The following NELFCD variants were observed in gnomAD, a reference collection of about 807,000 sequenced individuals.
NELFCD encodes negative elongation factor complex member C/D.
A neutral mutation model predicts 72.9 loss-of-function variants in NELFCD; 48 were observed. The observed-to-expected ratio is 0.66, with a 90% CI of 0.52 to 0.84. The LOEUF (loss-of-function observed/expected upper bound fraction) is 0.84, where lower values mean the gene tolerates loss of function less well. NELFCD is among the 40% of genes least tolerant of loss of function. The pLI, the probability that NELFCD is intolerant of heterozygous loss-of-function variation, is 0.00. For synonymous variants in NELFCD, 297 were observed against 280.6 expected, an observed-to-expected ratio of 1.06 and a Z score of -0.59; for missense variants, 538 against 723.8, an observed-to-expected ratio of 0.74 and a Z score of 2.94.
At chr20:58,987,121 A>G (rs1222229724) in intron 3 of NELFCD, 4 of 451,704 alleles carry the variant, frequency 8.9e-6, no homozygotes, top group African/African-American at 6.1e-5. Flanking sequence ...TTTCCCTACC[A>G]TGTTGTAGAA....
Position 58,987,834 on chromosome 20 carries a change from C to G in NELFCD, c.396+17C>G, listed in dbSNP as rs370568912. 3 of 1,599,344 alleles carry G rather than the reference C, an allele frequency of 1.9e-6. No individual in the cohort carries two copies. Among genetic ancestry groups the G allele is most frequent in the Non-Finnish European group, 2.6e-6 (3 of 1,166,678 alleles). On this transcript the variant is annotated intron_variant, in intron 4 of 14. Transcript: ENST00000652272. ...GAAGGAGAGGTGAGAAATTATTTTT[C>G]TTTGCCTAGTACCAGGCCCTAGGGT...
chr20:58,988,088 C>T (rs2091785904), intron 4 of NELFCD: 1 of 435,760 alleles, frequency 2.3e-6, no homozygotes, highest in African/African-American at 2.0e-5. Context: ...GACTCCAGGG[C>T]ACAGCCCTTG....
rs573252991 is a variant in NELFCD, at chr20:58,984,892, C to T, written c.61-1201C>T. 5.3e-5 allele frequency among the ~76,000 whole-genome samples: 8 copies of T among 152,310 alleles called. No individual in the cohort carries two copies. The South Asian group carries it at 1.0e-3, about 20-fold the overall frequency. On this transcript the variant is annotated intron_variant, in intron 1 of 14. Transcript: ENST00000652272. ...TGGGAATGAAGCTCGGGGTGAAGTC[C>T]GGCCTCTGTCATGCCCTTAGGGGCT...
At chr20:58,981,642 G>A (rs1157251063) in intron 1 of NELFCD, among the ~76,000 whole-genome samples, 1 of 151,268 alleles carries the variant, frequency 6.6e-6, no homozygotes, top group Non-Finnish European at 1.5e-5. Context: ...GCGCGGGGCG[G>A]CCCGAGGCCC....
At chr20:58,990,101 G>A in intron 7 of NELFCD, 113 bp downstream of exon 7, 1 of 1,433,598 alleles carries the variant, frequency 7.0e-7, no homozygotes. Context: ...CAACGTAGAG[G>A]TAAACTTGCT....
At chr20:58,985,805 C>T (rs1318723828) in intron 1 of NELFCD, among the ~76,000 whole-genome samples, 1 of 152,146 alleles carries the variant, frequency 6.6e-6, no homozygotes, top group African/African-American at 2.4e-5. Flanking sequence ...TTATTATCTT[C>T]ACTTAACAGA....
At position 58,986,531 on chromosome 20, in the gene NELFCD, A is replaced by T; in HGVS notation, c.177-223A>T. The T allele has an allele frequency of 1.8e-6, 1 of 567,032 alleles. No individual in the cohort carries two copies. The highest frequency in any genetic ancestry group is 3.5e-5 in the Admixed American group (1 of 28,814). 35.1% of individuals were successfully genotyped at this position (567,032 alleles called of 1,614,324 possible). On this transcript the variant is annotated intron_variant, in intron 2 of 14. Coordinates refer to ENST00000652272, the MANE Select transcript of NELFCD (RefSeq NM_198976.4). The surrounding 1 kb of genome is among the most constrained non-coding windows in gnomAD (Gnocchi z 4.4). ...TTTTTGTTTTTGTTTTTTGGGAGAG[A>T]CAGGGCTCCTTACGTTGCCCTGGCT... is the stretch of plus-strand genomic sequence containing the variant.
chr20:58,993,832 T>A lies in NELFCD; in HGVS notation c.1581+68T>A. 6.6e-7 allele frequency: 1 copy of A among 1,525,906 alleles called. No individual in the cohort carries two copies. The highest frequency in any genetic ancestry group is 9.0e-7 in the Non-Finnish European group (1 of 1,114,062). The allele number at this position is 1,525,906 out of a possible 1,614,324, so 94.5% of individuals were successfully genotyped here. ...CTAGCACTGCCCTTTTTGGCTTAAT[T>A]TAGTTCATTTTGTACCTAACTGAGA... On this transcript the variant is annotated intron_variant, in intron 13 of 14. Coordinates refer to ENST00000652272, the MANE Select transcript of NELFCD (RefSeq NM_198976.4). This position sits in a 1 kb window ranked among gnomAD's most constrained non-coding sequence, Gnocchi z 5.0.
Position 58,993,559 on chromosome 20 carries a change from T to G in NELFCD, c.1440+15T>G. ...TGATGGAGCAGGTGAGCAGTGCCCG[T>G]GGGGCTTGCCAGAGGGCTGAGGAGG... On this transcript the variant is annotated intron_variant, in intron 12 of 14. Transcript: ENST00000652272. This position sits in a 1 kb window ranked among gnomAD's most constrained non-coding sequence, Gnocchi z 5.0. The G allele has an allele frequency of 6.2e-7, 1 of 1,614,202 alleles. No individual in the cohort carries two copies. The highest frequency in any genetic ancestry group is 8.5e-7 in the Non-Finnish European group (1 of 1,180,028).
chr20:58,991,689 C>T (rs751222423), intron 9 of NELFCD, 192 bp from the exon 10 acceptor site: 1 of 741,932 alleles, frequency 1.3e-6, no homozygotes, highest in Non-Finnish European at 2.1e-6. Context: ...TTCCGTAAGA[C>T]ATGGACAAAC....
chr20:58,994,376 C>T (rs2091842300), intron 14 of NELFCD, 137 bp downstream of exon 14: 1 of 859,928 alleles, frequency 1.2e-6, no homozygotes, highest in African/African-American at 1.7e-5. Context: ...CCAGCCCGAC[C>T]AACATGGAGA....
chr20:58,988,327 G>T (rs189987689), intron 4 of NELFCD, among the ~76,000 whole-genome samples: 1 of 152,222 alleles, frequency 6.6e-6, no homozygotes, highest in Admixed American at 6.5e-5. Flanking sequence ...AGCCATATCA[G>T]TGGGGAATCT....
Position 58,987,630 on chromosome 20 carries a change from CTT to C in NELFCD, c.287-75_287-74del, listed in dbSNP as rs756195093. 8.7e-4 allele frequency: 1,032 copies of C among 1,186,292 alleles called. 6 individuals carry two copies. In the African/African-American group the frequency reaches 8.8e-3, roughly 10 times the overall value. 73.5% of individuals were successfully genotyped at this position (1,186,292 alleles called of 1,614,324 possible). ...CTTTGGTATTTGATTCACATAGAGA[CTT>C]TTGACCATTTGCTTTCTAAAGCCAC... is the stretch of plus-strand genomic sequence containing the variant. On this transcript the variant is annotated intron_variant, in intron 3 of 14. Coordinates refer to ENST00000652272, the MANE Select transcript of NELFCD (RefSeq NM_198976.4).
chr20:58,990,924 G>A lies in NELFCD; in HGVS notation c.803G>A (p.Ser268Asn). The stretch of plus-strand genomic sequence containing the variant: ...TTCTCATCAAGAGGTCATGACGCCA[G>A]TCAGATCACACTAGCCTTGGGCACA... ...RFAQEKGHDA[S>N]QITLALGTAA... Residue 268 changes from serine (S) to asparagine (N), a missense_variant, in exon 8 of 15, where the codon AGT (serine) becomes AAT (asparagine). Physicochemically the swap from Ser to Asn is conservative, Grantham distance 46. Coordinates refer to ENST00000652272, the MANE Select transcript of NELFCD (RefSeq NM_198976.4). 2 of 1,614,066 alleles carry A rather than the reference G, an allele frequency of 1.2e-6. No homozygotes were observed. The highest frequency in any genetic ancestry group is 1.7e-6 in the Non-Finnish European group (2 of 1,179,974).
In NELFCD at chr20:58,986,510, T is replaced by C. The variant is rs2091773676; in HGVS notation, c.177-244T>C. On this transcript the variant is annotated intron_variant, in intron 2 of 14. Transcript: ENST00000652272. The surrounding 1 kb of genome is among the most constrained non-coding windows in gnomAD (Gnocchi z 4.4). ...GTCTGCCATCATGCCTGGCTATTTT[T>C]GTTTTTGTTTTTTGGGAGAGACAGG... 2 of 557,094 alleles carry C rather than the reference T, an allele frequency of 3.6e-6. No individual in the cohort carries two copies. Among genetic ancestry groups the C allele is most frequent in the African/African-American group, 1.9e-5 (1 of 52,424 alleles). The allele number at this position is 557,094 out of a possible 1,614,324, so 34.5% of individuals were successfully genotyped here. A position where few individuals can be genotyped will look rare whatever the true frequency, so the allele number is the denominator to read the frequency against.
chr20:58,986,926 G>T lies in NELFCD; in HGVS notation c.286+63G>T, dbSNP rs577661327. ...CCACTTTTTTAAAAATAGACTTTTG[G>T]GTCCTTATAACACTGATACAATGCC... On this transcript the variant is annotated intron_variant, in intron 3 of 14. Coordinates refer to ENST00000652272, the MANE Select transcript of NELFCD (RefSeq NM_198976.4). This position sits in a 1 kb window ranked among gnomAD's most constrained non-coding sequence, Gnocchi z 4.4. 9 of 1,039,684 alleles carry T rather than the reference G, an allele frequency of 8.7e-6. No individual in the cohort carries two copies. The highest frequency in any genetic ancestry group is 1.5e-6 in the Non-Finnish European group (1 of 677,152). The allele number at this position is 1,039,684 out of a possible 1,614,324, so 64.4% of individuals were successfully genotyped here.
intron 7 of NELFCD, 51 bp downstream of exon 7, chr20:58,990,039 A>G: frequency 1.3e-6 from 2 of 1,593,936 alleles, no homozygotes; most frequent in Non-Finnish European, 8.5e-7. Flanking sequence ...CTCCCCACAA[A>G]ACCCTTCCCA....
At chr20:58,988,701 C>T (rs999268203) in intron 4 of NELFCD, among the ~76,000 whole-genome samples, 3 of 151,978 alleles carry the variant, frequency 2.0e-5, no homozygotes, top group Non-Finnish European at 4.4e-5. Context: ...GTGTTGAGTC[C>T]GATTTTCTAA....
intron 3 of NELFCD, 133 bp from the exon 4 acceptor site, chr20:58,987,575 C>T: frequency 1.4e-6 from 1 of 694,124 alleles, no homozygotes; most frequent in Non-Finnish European, 2.5e-6. Flanking sequence ...AGTTCCAAAA[C>T]CTTACATGTA....
Sources: allele counts gnomAD v4.1 joint callset (sites outside exome capture counted in the v4.1 genomes callset), GRCh38; gene constraint gnomAD v4.1.1; non-coding constraint Gnocchi (gnomAD v3.1); transcripts MANE v1.5; gene names NCBI Gene and HGNC (gene_info 2026-07-23, HGNC 2026-07-21).